COMMD1: variants seen among roughly 807,000 people sequenced by gnomAD.
The protein encoded by COMMD1 is COMM domain-containing protein 1.
COMMD1 carries 10 observed loss-of-function variants against 17.2 expected under a neutral mutation model. That is an observed-to-expected ratio of 0.58 (90% CI 0.36 to 0.99). COMMD1 has a LOEUF of 0.99. COMMD1 is among the 50% of genes least tolerant of loss of function. The pLI, the probability that COMMD1 is intolerant of heterozygous loss-of-function variation, is 0.01. For synonymous variants in COMMD1, 97 were observed against 91.6 expected (o/e 1.06, Z -0.34); for missense variants, 270 against 231.8 (o/e 1.17, Z -1.07).
At chr2:61,955,756 G>C (rs1235303060) in intron 1 of COMMD1, among the ~76,000 whole-genome samples, 1 of 152,068 alleles carries the variant, frequency 6.6e-6, no homozygotes, top group Non-Finnish European at 1.5e-5. Context: ...CACGACCTCG[G>C]CTCACTGCAA....
chr2:62,111,287 CAA>C (rs1672448474), intron 2 of COMMD1, among the ~76,000 whole-genome samples: 1 of 152,140 alleles, frequency 6.6e-6, no homozygotes, highest in Admixed American at 6.5e-5. Context: ...GACAGGTTAA[CAA>C]GAGAAAAGCA....
At chr2:62,022,833 G>A (rs1188814303) in intron 2 of COMMD1, among the ~76,000 whole-genome samples, 3 of 152,100 alleles carry the variant, frequency 2.0e-5, no homozygotes, top group African/African-American at 4.8e-5. Flanking sequence ...TTAAAGCCAG[G>A]GATCGTTTAG....
chr2:61,911,348 T>G (rs1572953171), intron 1 of COMMD1, among the ~76,000 whole-genome samples: 1 of 151,938 alleles, frequency 6.6e-6, no homozygotes, highest in Non-Finnish European at 1.5e-5. Context: ...TAGCAGCAGG[T>G]GCTTATAATC....
At chr2:61,957,864 A>C (rs1671237372) in intron 1 of COMMD1, among the ~76,000 whole-genome samples, 1 of 152,220 alleles carries the variant, frequency 6.6e-6, no homozygotes, top group African/African-American at 2.4e-5. Context: ...AAAGCAGAGA[A>C]CTACTCATGG....
At chr2:61,917,217 T>C (rs1670073418) in intron 1 of COMMD1, among the ~76,000 whole-genome samples, 1 of 151,806 alleles carries the variant, frequency 6.6e-6, no homozygotes, top group Non-Finnish European at 1.5e-5. Flanking sequence ...ATTAGCCGGG[T>C]ATGGTAGCGT....
chr2:61,948,179 G>A (rs183896044), intron 1 of COMMD1, among the ~76,000 whole-genome samples: 3 of 152,182 alleles, frequency 2.0e-5, no homozygotes, highest in East Asian at 3.9e-4. Flanking sequence ...TGCAATCACC[G>A]CTTACTGCAG....
At chr2:62,005,530 A>G (rs565591783) in intron 2 of COMMD1, among the ~76,000 whole-genome samples, 1 of 152,338 alleles carries the variant, frequency 6.6e-6, no homozygotes, top group South Asian at 2.1e-4. Flanking sequence ...AAAAGTGGGC[A>G]AAGGATATGA....
chr2:61,969,685 T>G (rs551689484), intron 1 of COMMD1, among the ~76,000 whole-genome samples: 1 of 152,296 alleles, frequency 6.6e-6, no homozygotes, highest in African/African-American at 2.4e-5. Flanking sequence ...TGTGTTCCAG[T>G]TCACTTACTT....
intron 2 of COMMD1, among the ~76,000 whole-genome samples, chr2:62,059,030 A>G (rs1437311813): frequency 6.6e-6 from 1 of 152,088 alleles, no homozygotes; most frequent in Admixed American, 6.6e-5. Context: ...CACCCACCTT[A>G]TCCTCCCAAA....
chr2:61,890,769 G>A (rs62149898), intron 1 of COMMD1, among the ~76,000 whole-genome samples: 25,828 of 149,462 alleles, frequency 0.17, 2,640 homozygotes, highest in Middle Eastern at 0.29. Flanking sequence ...GGAGGTTGCA[G>A]TGAGCCGAGA....
At chr2:61,888,421 C>A, upstream of COMMD1, 1 of 1,612,938 alleles carries the variant, frequency 6.2e-7, no homozygotes, top group Non-Finnish European at 8.5e-7. Context: ...TCTGGGCTGG[C>A]TTGTCGCGGT....
At chr2:62,097,618 A>T (rs1449404450) in intron 2 of COMMD1, among the ~76,000 whole-genome samples, 1 of 152,188 alleles carries the variant, frequency 6.6e-6, no homozygotes, top group African/African-American at 2.4e-5. Context: ...TAGTAGGTGT[A>T]TGGGGGTACT....
chr2:61,993,961 ATTCCTTCC>A (rs1031621409), intron 1 of COMMD1, among the ~76,000 whole-genome samples: 1 of 151,816 alleles, frequency 6.6e-6, no homozygotes, highest in Non-Finnish European at 1.5e-5. Flanking sequence ...ATACAAAATA[ATTCCTTCC>A]TTCCTTCCTT....
intron 2 of COMMD1, among the ~76,000 whole-genome samples, chr2:62,087,898 G>A (rs562135330): frequency 1.3e-5 from 2 of 152,306 alleles, no homozygotes; most frequent in Middle Eastern, 3.4e-3. Context: ...TCATTAAAAT[G>A]TAGTCTATAC....
At position 62,019,149 on chromosome 2, in the gene COMMD1, C is replaced by T. The variant is rs796893300; in HGVS notation, c.462+18167C>T. ...CCTCCCTCCCTTCCTTCCTTCCTTCCTTCCTTCTCTTTCCTCCTTTCTCTT... is the reference window on the plus strand; with the variant it reads ...CCTCCCTCCCTTCCTTCCTTCCTTCTTTCCTTCTCTTTCCTCCTTTCTCTT... On this transcript the variant is annotated intron_variant, in intron 2 of 2. Coordinates refer to ENST00000311832, the MANE Select transcript of COMMD1 (RefSeq NM_152516.4). 4.2e-3 allele frequency among the ~76,000 whole-genome samples: 547 copies of T among 131,422 alleles called. 8 individuals are homozygous for T. Among genetic ancestry groups the T allele is most frequent in the African/African-American group, 0.014 (491 of 35,198 alleles). The allele number at this position is 131,422 out of a possible 152,430, so 86.2% of individuals were successfully genotyped here. A position where few individuals can be genotyped will look rare whatever the true frequency, so the allele number is the denominator to read the frequency against.
chr2:62,090,107 G>A (rs553631930), intron 2 of COMMD1, among the ~76,000 whole-genome samples: 1 of 151,046 alleles, frequency 6.6e-6, no homozygotes, highest in Admixed American at 6.6e-5. Flanking sequence ...AAAAATCCCA[G>A]GTCATATTTA....
At chr2:62,001,601 CTT>C (rs988274883) in intron 2 of COMMD1, among the ~76,000 whole-genome samples, 1 of 151,952 alleles carries the variant, frequency 6.6e-6, no homozygotes, top group African/African-American at 2.4e-5. Context: ...CCAGCTCAGA[CTT>C]TTAATGATCT....
intron 2 of COMMD1, among the ~76,000 whole-genome samples, chr2:62,023,779 T>C (rs571543233): frequency 6.6e-6 from 1 of 152,210 alleles, no homozygotes; most frequent in African/African-American, 2.4e-5. Flanking sequence ...GCCACGGCGC[T>C]TGGCCTATTG....
chr2:62,100,005 A>G (rs1454935198), intron 2 of COMMD1, among the ~76,000 whole-genome samples: 1 of 152,112 alleles, frequency 6.6e-6, no homozygotes, highest in East Asian at 1.9e-4. Flanking sequence ...AGACAAGCCA[A>G]TTGAGATTAA....
Sources: allele counts gnomAD v4.1 joint callset (sites outside exome capture counted in the v4.1 genomes callset), GRCh38; gene constraint gnomAD v4.1.1; transcripts MANE v1.5; gene names NCBI Gene and HGNC (gene_info 2026-07-23, HGNC 2026-07-21).